Variants in TAF3 observed in about 807,000 individuals in gnomAD.
TAF3 encodes transcription initiation factor TFIID subunit 3.
A neutral mutation model predicts 80.6 loss-of-function variants in TAF3; 7 were observed. The ratio of observed to expected loss-of-function variants is 0.09; its 90% CI spans 0.05 to 0.16. TAF3 has a LOEUF of 0.16. Ranked by LOEUF, TAF3 falls within the 10% of genes least tolerant of loss-of-function variation. The probability of loss-of-function intolerance (pLI) is 1.00; values close to 1 mark genes in which losing one functional copy is unlikely to be tolerated. For synonymous variants in TAF3, 444 were observed against 446.1 expected, an observed-to-expected ratio of 1.00 and a Z score of 0.06; for missense variants, 921 against 1,140.2, an observed-to-expected ratio of 0.81 and a Z score of 2.77.
At chr10:7,922,143 C>T (rs1451369386) in intron 2 of TAF3, among the ~76,000 whole-genome samples, 1 of 152,076 alleles carries the variant, frequency 6.6e-6, no homozygotes, top group African/African-American at 2.4e-5. Flanking sequence ...AAATATTTGC[C>T]TCTTGAATCT....
rs1190085099 is a variant in TAF3, at chr10:7,892,976, C to T, written c.409+68416C>T. 3.9e-5 allele frequency among the ~76,000 whole-genome samples: 6 copies of T among 152,046 alleles called. No individual in the cohort carries two copies. The South Asian group carries it at 8.3e-4, about 21-fold the overall frequency. On this transcript the variant is annotated intron_variant, in intron 2 of 6. Transcript: ENST00000344293. ...CTGAGATTATAGGCATGCACCACCA[C>T]ACCCCATTAATTTTTGTATTTTTAG...
In TAF3 at chr10:7,965,132, A is replaced by G; in HGVS notation, c.1622A>G (p.Asp541Gly). Residue 541 changes from aspartate (D) to glycine (G), a missense_variant, in exon 3 of 7, where the codon GAT becomes GGT. Around this residue, in one of 6 missense-constraint regions of TAF3, gnomAD observed 743 missense variants for 821.0 expected, o/e 0.90. Coordinates refer to ENST00000344293, the MANE Select transcript of TAF3 (RefSeq NM_031923.4). ...ATGAAAAAGAAAGAAAAGCAGAGAG[A>G]TAGGGAGAGGGAAAAAGACAAGAAC... is the stretch of plus-strand genomic sequence containing the variant. ...TKMKKKEKQR[D>G]REREKDKNKD... The G allele has an allele frequency of 6.2e-7, 1 of 1,613,136 alleles. No homozygotes were observed.
intron 2 of TAF3, among the ~76,000 whole-genome samples, chr10:7,931,418 C>T (rs1434468416): frequency 6.6e-6 from 1 of 152,026 alleles, no homozygotes; most frequent in Non-Finnish European, 1.5e-5. Context: ...ACTATTTTCC[C>T]CTGCGATAGA....
chr10:7,919,103 C>G (rs1837739767), intron 2 of TAF3, among the ~76,000 whole-genome samples: 1 of 151,836 alleles, frequency 6.6e-6, no homozygotes, highest in Admixed American at 6.6e-5. Flanking sequence ...TCAGAGGGTA[C>G]AGAATCTGAA....
intron 2 of TAF3, among the ~76,000 whole-genome samples, chr10:7,958,753 T>A (rs1226075933): frequency 6.6e-6 from 1 of 152,212 alleles, no homozygotes; most frequent in Admixed American, 6.5e-5. Flanking sequence ...CCACGCGCGT[T>A]ACTTATTCCT....
chr10:7,826,421 G>A (rs1836741554), intron 2 of TAF3, among the ~76,000 whole-genome samples: 1 of 151,632 alleles, frequency 6.6e-6, no homozygotes, highest in Admixed American at 6.6e-5. Context: ...TAGTGAAGAA[G>A]TATGAAAAAC....
At chr10:7,966,077 A>G (rs1404960982) in intron 3 of TAF3, among the ~76,000 whole-genome samples, 1 of 152,214 alleles carries the variant, frequency 6.6e-6, no homozygotes, top group Non-Finnish European at 1.5e-5. Context: ...TGAATTATCA[A>G]GTGTACTGCA....
intron 1 of TAF3, among the ~76,000 whole-genome samples, chr10:7,819,531 G>A (rs1231907780): frequency 3.9e-5 from 6 of 152,202 alleles, no homozygotes; most frequent in African/African-American, 1.2e-4. Flanking sequence ...TAGAGGGACC[G>A]TGGGCAGTTG....
chr10:7,847,858 A>G (rs1426925551), intron 2 of TAF3, among the ~76,000 whole-genome samples: 1 of 152,082 alleles, frequency 6.6e-6, no homozygotes, highest in African/African-American at 2.4e-5. Flanking sequence ...ACCTCCACCT[A>G]CTGGGTTCAA....
chr10:7,832,230 G>A (rs982358726), intron 2 of TAF3, among the ~76,000 whole-genome samples: 8 of 151,996 alleles, frequency 5.3e-5, no homozygotes, highest in Non-Finnish European at 1.0e-4. Flanking sequence ...TGTAACCACT[G>A]TTCTACTCTC....
chr10:7,825,369 G>T (rs1256059820), intron 2 of TAF3, among the ~76,000 whole-genome samples: 1 of 152,132 alleles, frequency 6.6e-6, no homozygotes, highest in East Asian at 1.9e-4. Flanking sequence ...ATGGACCATT[G>T]TAAAGGTGTG....
intron 3 of TAF3, 65 bp from the exon 4 acceptor site, chr10:7,977,173 TAGG>T (rs1410902555): frequency 1.2e-5 from 17 of 1,430,606 alleles, no homozygotes; most frequent in Middle Eastern, 1.7e-4. Context: ...AGTGGGAGAG[TAGG>T]AGAAGTGGTA....
At chr10:7,961,951 G>T (rs545249987) in intron 2 of TAF3, among the ~76,000 whole-genome samples, 2 of 152,144 alleles carry the variant, frequency 1.3e-5, no homozygotes, top group South Asian at 4.2e-4. Context: ...CTGGGCTCAG[G>T]TGACCCTTGC....
At chr10:7,856,735 A>T (rs372454375) in intron 2 of TAF3, among the ~76,000 whole-genome samples, 1 of 151,972 alleles carries the variant, frequency 6.6e-6, no homozygotes, top group South Asian at 2.1e-4. Context: ...GACTTGGAAC[A>T]TTTTGTTATA....
intron 2 of TAF3, among the ~76,000 whole-genome samples, chr10:7,875,621 A>G (rs910642181): frequency 1.3e-5 from 2 of 152,178 alleles, no homozygotes; most frequent in Non-Finnish European, 2.9e-5. Flanking sequence ...TTCAAAAGTT[A>G]TCTTTGTGTG....
intron 2 of TAF3, among the ~76,000 whole-genome samples, chr10:7,851,888 C>T (rs1345327701): frequency 6.6e-6 from 1 of 151,758 alleles, no homozygotes; most frequent in East Asian, 1.9e-4. Flanking sequence ...AGGCTTTAAG[C>T]AATCCTCCCA....
chr10:8,008,229 T>C (rs1832016161), intron 4 of TAF3, among the ~76,000 whole-genome samples: 1 of 151,576 alleles, frequency 6.6e-6, no homozygotes, highest in Non-Finnish European at 1.5e-5. Flanking sequence ...CCTGAGTAGC[T>C]GGAATTACAG....
At chr10:7,824,272 G>A (rs1291030904) in intron 1 of TAF3, 46 bp from the exon 2 acceptor site, 9 of 1,567,164 alleles carry the variant, frequency 5.7e-6, no homozygotes, top group African/African-American at 2.7e-5. Flanking sequence ...AAATATATTC[G>A]TGGGATTTCT....
intron 2 of TAF3, among the ~76,000 whole-genome samples, chr10:7,858,904 A>G (rs1359112407): frequency 1.3e-5 from 2 of 151,974 alleles, no homozygotes; most frequent in African/African-American, 2.4e-5. Context: ...ATCCTCCTCC[A>G]TTACTGCTGG....
Sources: allele counts gnomAD v4.1 joint callset (sites outside exome capture counted in the v4.1 genomes callset), GRCh38; gene constraint gnomAD v4.1.1; regional missense constraint gnomAD v4.1.1; transcripts MANE v1.5; gene names NCBI Gene and HGNC (gene_info 2026-07-23, HGNC 2026-07-21).